Variants in RASAL2 observed in about 807,000 individuals in gnomAD.
The protein encoded by RASAL2 is RAS protein activator like 2, also known as ras GTPase-activating protein nGAP.
In RASAL2, 58 loss-of-function variants were observed where a neutral mutation model predicts 128.9. That is an observed-to-expected ratio of 0.45 (90% CI 0.36 to 0.56). The LOEUF (loss-of-function observed/expected upper bound fraction) is 0.56, where lower values mean the gene tolerates loss of function less well. RASAL2 is among the 20% of genes least tolerant of loss of function. The pLI is 0.00. For missense variants in RASAL2, 1,360 were observed against 1,601.6 expected (o/e 0.85, Z 2.57); for synonymous variants, 561 against 580.8 (o/e 0.97, Z 0.49).
At chr1:178,196,992 C>A (rs1662678590) in intron 1 of RASAL2, among the ~76,000 whole-genome samples, 1 of 152,090 alleles carries the variant, frequency 6.6e-6, no homozygotes, top group Non-Finnish European at 1.5e-5. Context: ...TGGTAGAAGC[C>A]CTTTGAAAAA....
At chr1:178,409,137 G>A (rs535263057) in intron 4 of RASAL2, among the ~76,000 whole-genome samples, 158 of 152,312 alleles carry the variant, frequency 1.0e-3, no homozygotes, top group Admixed American at 2.9e-3. Context: ...GGTGGTTGGA[G>A]AAGATTGCAT....
intron 11 of RASAL2, 44 bp downstream of exon 11, chr1:178,452,696 A>G: frequency 6.6e-7 from 1 of 1,512,810 alleles, no homozygotes; most frequent in Non-Finnish European, 9.2e-7. Context: ...CAGTTTAAAA[A>G]ATACTTGAGG....
chr1:178,331,372 A>G (rs894030548), intron 3 of RASAL2, among the ~76,000 whole-genome samples: 15 of 152,108 alleles, frequency 9.9e-5, no homozygotes, highest in African/African-American at 3.6e-4. Context: ...GTCCTATGAC[A>G]TTGTCAGTGG....
chr1:178,098,146 T>G (rs1571467630), intron 1 of RASAL2, among the ~76,000 whole-genome samples: 1 of 152,352 alleles, frequency 6.6e-6, no homozygotes, highest in Non-Finnish European at 1.5e-5. Context: ...CAGGGAGCCT[T>G]GTTTATCTTT....
chr1:178,379,714 T>G (rs1672179408), intron 3 of RASAL2, among the ~76,000 whole-genome samples: 1 of 152,172 alleles, frequency 6.6e-6, no homozygotes, highest in Non-Finnish European at 1.5e-5. Flanking sequence ...AAGTCTTACA[T>G]CCTTTGTTTA....
chr1:178,097,723 C>T (rs936895913), intron 1 of RASAL2, among the ~76,000 whole-genome samples: 18 of 152,014 alleles, frequency 1.2e-4, no homozygotes, highest in African/African-American at 4.1e-4. Context: ...CAGAAGTAAC[C>T]CCCCAAAGAA....
In RASAL2 at chr1:178,476,720, G is replaced by A. The variant is rs1401933407; in HGVS notation, c.*3481G>A. Reference sequence around the variant, plus strand: ...CTTAAGAATGAGCTTGACTTTGGAAGTAAAGCTTTTCAGATCTTAGTCTAC... The same window carrying A: ...CTTAAGAATGAGCTTGACTTTGGAAATAAAGCTTTTCAGATCTTAGTCTAC... On this transcript the variant is annotated 3_prime_UTR_variant, in exon 18 of 18. Coordinates refer to ENST00000367649, the MANE Select transcript of RASAL2 (RefSeq NM_170692.4). The A allele has an allele frequency of 6.6e-6, 1 of 152,200 alleles. No individual in the cohort carries two copies. The allele number at this position is 152,200 out of a possible 1,614,324, so 9.4% of individuals were successfully genotyped here. A position where few individuals can be genotyped will look rare whatever the true frequency, so the allele number is the denominator to read the frequency against.
chr1:178,470,129 T>C (rs1648122276), intron 17 of RASAL2, among the ~76,000 whole-genome samples: 1 of 152,252 alleles, frequency 6.6e-6, no homozygotes, highest in Non-Finnish European at 1.5e-5. Context: ...TTTGTAAGGA[T>C]AAATCTTCTC....
chr1:178,440,675 T>C (rs926973033), intron 6 of RASAL2, among the ~76,000 whole-genome samples: 10 of 152,150 alleles, frequency 6.6e-5, no homozygotes, highest in African/African-American at 2.4e-4. Flanking sequence ...CGGAACTCAG[T>C]TCATTAGGCT....
At chr1:178,465,112 G>A (rs1034697870) in intron 15 of RASAL2, among the ~76,000 whole-genome samples, 6 of 152,102 alleles carry the variant, frequency 3.9e-5, no homozygotes, top group African/African-American at 1.4e-4. Context: ...AAAGGGCCAT[G>A]TAACTAATTG....
intron 1 of RASAL2, among the ~76,000 whole-genome samples, chr1:178,097,087 T>A (rs1253799478): frequency 6.6e-6 from 1 of 152,242 alleles, no homozygotes; most frequent in East Asian, 1.9e-4. Context: ...TTCTCACAAT[T>A]TAAAGAGACT....
At chr1:178,348,161 G>A (rs1670250061) in intron 3 of RASAL2, among the ~76,000 whole-genome samples, 1 of 152,204 alleles carries the variant, frequency 6.6e-6, no homozygotes, top group Admixed American at 6.5e-5. Flanking sequence ...ACATAAGAGA[G>A]GCCTCTGGCT....
intron 4 of RASAL2, among the ~76,000 whole-genome samples, chr1:178,407,173 A>G (rs553968399): frequency 6.6e-6 from 1 of 152,346 alleles, no homozygotes; most frequent in East Asian, 1.9e-4. Flanking sequence ...CAACTAAACT[A>G]TAATGCACTT....
At chr1:178,169,004 G>A (rs894868415) in intron 1 of RASAL2, among the ~76,000 whole-genome samples, 1 of 151,928 alleles carries the variant, frequency 6.6e-6, no homozygotes, top group Non-Finnish European at 1.5e-5. Context: ...GATCAATGAA[G>A]TTATCCTTAG....
At chr1:178,308,539 CTT>C (rs576125039) in intron 3 of RASAL2, among the ~76,000 whole-genome samples, 47 of 129,904 alleles carry the variant, frequency 3.6e-4, no homozygotes, top group Admixed American at 5.5e-4. Flanking sequence ...CAAACATTAG[CTT>C]TTTTTTTTTT....
At chr1:178,301,177 A>G (rs1247910916) in intron 3 of RASAL2, among the ~76,000 whole-genome samples, 1 of 152,168 alleles carries the variant, frequency 6.6e-6, no homozygotes, top group African/African-American at 2.4e-5. Context: ...TAGTTGAGTT[A>G]GCAAGTACTT....
At chr1:178,288,260 G>A (rs1214355347) in intron 2 of RASAL2, among the ~76,000 whole-genome samples, 1 of 152,144 alleles carries the variant, frequency 6.6e-6, no homozygotes, top group Admixed American at 6.5e-5. Flanking sequence ...GAGTAACACA[G>A]TCCAGAATAA....
chr1:178,325,324 A>G (rs1344792592), intron 3 of RASAL2, among the ~76,000 whole-genome samples: 1 of 152,230 alleles, frequency 6.6e-6, no homozygotes, highest in Non-Finnish European at 1.5e-5. Flanking sequence ...AATAGAGGAA[A>G]GATAATTATC....
At chr1:178,180,698 T>C (rs1662076189) in intron 1 of RASAL2, among the ~76,000 whole-genome samples, 1 of 39,526 alleles carries the variant, frequency 2.5e-5, no homozygotes, top group Non-Finnish European at 6.8e-5. Context: ...CACACGATTC[T>C]GAGAAAGAAG....
Sources: allele counts gnomAD v4.1 joint callset (sites outside exome capture counted in the v4.1 genomes callset), GRCh38; gene constraint gnomAD v4.1.1; transcripts MANE v1.5; gene names NCBI Gene and HGNC (gene_info 2026-07-23, HGNC 2026-07-21).